The following DYRK1A variants were observed in gnomAD, a reference collection of about 807,000 sequenced individuals.
The protein encoded by DYRK1A is dual specificity tyrosine-phosphorylation-regulated kinase 1A.
DYRK1A carries 9 observed loss-of-function variants against 79.7 expected under a neutral mutation model. That is an observed-to-expected ratio of 0.11 (90% CI 0.07 to 0.20). The LOEUF (loss-of-function observed/expected upper bound fraction) is 0.20. Among genes scored for constraint, DYRK1A ranks in the 10% least tolerant of loss-of-function variants. The probability of loss-of-function intolerance (pLI) is 1.00; values close to 1 mark genes in which losing one functional copy is unlikely to be tolerated. For missense variants in DYRK1A, 622 were observed against 956.0 expected (o/e 0.65, Z 4.61); for synonymous variants, 349 against 329.7 (o/e 1.06, Z -0.63).
chr21:37,519,737 T>TG lies in DYRK1A; in HGVS notation c.*7206_*7207insG, dbSNP rs2053917448. The TG allele has an allele frequency of 5.4e-5, 1 of 18,688 alleles. No individual in the cohort carries two copies. Among genetic ancestry groups the TG allele is most frequent in the African/African-American group, 2.5e-4 (1 of 3,980 alleles). 1.2% of individuals were successfully genotyped at this position (18,688 alleles called of 1,614,324 possible). A position where few individuals can be genotyped will look rare whatever the true frequency, so the allele number is the denominator to read the frequency against. ...GAGTTTTGAGGTTTGTTGTGGGAAG[T>TG]TTTTTTTTTTTTTTTTTTTTTTGAG... is the stretch of plus-strand genomic sequence containing the variant. On this transcript the variant is annotated 3_prime_UTR_variant, in exon 12 of 12. Coordinates refer to ENST00000647188, the MANE Select transcript of DYRK1A (RefSeq NM_001347721.2).
intron 1 of DYRK1A, among the ~76,000 whole-genome samples, chr21:37,383,857 G>A (rs1178310075): frequency 6.6e-6 from 1 of 152,078 alleles, no homozygotes; most frequent in Non-Finnish European, 1.5e-5. Context: ...GTGTGTGTGT[G>A]TGTAGTTGTA....
intron 2 of DYRK1A, among the ~76,000 whole-genome samples, chr21:37,461,146 A>G (rs2148526499): frequency 6.6e-6 from 1 of 152,372 alleles, no homozygotes; most frequent in Middle Eastern, 3.4e-3. Context: ...TGCTTGTTAA[A>G]TACAGAATGA....
At chr21:37,507,637 C>T (rs751799424) in intron 11 of DYRK1A, among the ~76,000 whole-genome samples, 1 of 152,072 alleles carries the variant, frequency 6.6e-6, no homozygotes, top group Non-Finnish European at 1.5e-5. Context: ...CTGCTGGTTT[C>T]CTTGGCAGGA....
At chr21:37,496,487 A>G (rs996366003) in intron 9 of DYRK1A, among the ~76,000 whole-genome samples, 3 of 152,172 alleles carry the variant, frequency 2.0e-5, no homozygotes, top group African/African-American at 4.8e-5. Context: ...TTCATATTAA[A>G]AACTGTATGC....
intron 11 of DYRK1A, among the ~76,000 whole-genome samples, chr21:37,511,586 C>T (rs1284570224): frequency 6.6e-6 from 1 of 152,150 alleles, no homozygotes; most frequent in Non-Finnish European, 1.5e-5. Flanking sequence ...TGGACCTGCC[C>T]AGAATACTGT....
chr21:37,368,674 A>G (rs756409831), intron 1 of DYRK1A, among the ~76,000 whole-genome samples: 10 of 152,266 alleles, frequency 6.6e-5, no homozygotes, highest in Non-Finnish European at 8.8e-5. Flanking sequence ...AACTGTTCCC[A>G]TTTTATAGAT....
At chr21:37,387,206 T>C (rs551438012) in intron 1 of DYRK1A, among the ~76,000 whole-genome samples, 1 of 152,322 alleles carries the variant, frequency 6.6e-6, no homozygotes, top group South Asian at 2.1e-4. Flanking sequence ...ATTTAATACA[T>C]TATTTGTTGA....
rs2053882897 is a variant in DYRK1A at position 37,516,578 on chromosome 21, G to A, written c.*4047G>A. On this transcript the variant is annotated 3_prime_UTR_variant, in exon 12 of 12. Coordinates refer to ENST00000647188, the MANE Select transcript of DYRK1A (RefSeq NM_001347721.2). ...ATCCACTGAGAACCAGCCTGTGGAT[G>A]CCTACTGGGCTTTCACCCTGGACCA... 1 of 152,214 alleles carries A rather than the reference G, an allele frequency of 6.6e-6. No homozygotes were observed. Among genetic ancestry groups the A allele is most frequent in the Non-Finnish European group, 1.5e-5 (1 of 68,042 alleles). The allele number at this position is 152,214 out of a possible 1,614,324, so 9.4% of individuals were successfully genotyped here.
intron 2 of DYRK1A, among the ~76,000 whole-genome samples, chr21:37,432,817 A>T (rs775569090): frequency 6.6e-6 from 1 of 151,950 alleles, no homozygotes; most frequent in East Asian, 1.9e-4. Context: ...TAATCAGTAT[A>T]TTGTATGTTT....
chr21:37,483,835 A>G (rs1202889592), intron 5 of DYRK1A, among the ~76,000 whole-genome samples: 2 of 152,026 alleles, frequency 1.3e-5, no homozygotes, highest in African/African-American at 2.4e-5. Flanking sequence ...CTCGCATCTC[A>G]GCTTCCCACA....
At chr21:37,399,394 G>A (rs1206936263) in intron 1 of DYRK1A, among the ~76,000 whole-genome samples, 1 of 152,154 alleles carries the variant, frequency 6.6e-6, no homozygotes, top group African/African-American at 2.4e-5. Flanking sequence ...TCATTGTCAA[G>A]GTGGAGGATG....
chr21:37,438,710 T>C (rs996475729), intron 2 of DYRK1A, among the ~76,000 whole-genome samples: 3 of 152,226 alleles, frequency 2.0e-5, no homozygotes, highest in Non-Finnish European at 4.4e-5. Context: ...TACCATATTG[T>C]GTTGACCTTC....
At chr21:37,431,975 A>G (rs1373373906) in intron 2 of DYRK1A, among the ~76,000 whole-genome samples, 1 of 152,178 alleles carries the variant, frequency 6.6e-6, no homozygotes, top group Non-Finnish European at 1.5e-5. Context: ...TGTTGTCTGG[A>G]TAAGTACAGT....
intron 1 of DYRK1A, among the ~76,000 whole-genome samples, chr21:37,416,954 C>T (rs1346884191): frequency 6.6e-6 from 1 of 152,038 alleles, no homozygotes; most frequent in Non-Finnish European, 1.5e-5. Context: ...TTTTGAAGCT[C>T]CTTGTATCAT....
At chr21:37,380,980 CAT>C (rs979906307) in intron 1 of DYRK1A, among the ~76,000 whole-genome samples, 6 of 152,214 alleles carry the variant, frequency 3.9e-5, no homozygotes, top group African/African-American at 7.2e-5. Context: ...TTAAAAATCT[CAT>C]GTGTCCTTGT....
intron 11 of DYRK1A, 67 bp from the exon 12 acceptor site, chr21:37,511,843 CT>C: frequency 1.3e-6 from 2 of 1,537,352 alleles, no homozygotes; most frequent in Admixed American, 1.9e-5. Flanking sequence ...AGTGTCATGG[CT>C]TTTGATGGAA....
intron 2 of DYRK1A, among the ~76,000 whole-genome samples, chr21:37,436,459 G>A (rs2050927382): frequency 6.6e-6 from 1 of 152,072 alleles, no homozygotes; most frequent in Admixed American, 6.5e-5. Context: ...CTGGCTTTTT[G>A]TCACTTGGTT....
chr21:37,479,619 G>GTTTTTGTTTTTTTTTT (rs2052550822), intron 4 of DYRK1A, among the ~76,000 whole-genome samples: 12 of 73,920 alleles, frequency 1.6e-4, no homozygotes, highest in East Asian at 6.3e-4. Context: ...TTTGTTTTTT[G>GTTTTTGTTTTTTTTTT]TTTTTTTTTT....
intron 1 of DYRK1A, among the ~76,000 whole-genome samples, chr21:37,414,036 T>A (rs2050290563): frequency 6.6e-6 from 1 of 152,110 alleles, no homozygotes; most frequent in Admixed American, 6.6e-5. Flanking sequence ...GGTAAAATGA[T>A]GATGCAAATA....
Sources: gnomAD v4.1 joint callset for allele counts (sites outside exome capture counted in the v4.1 genomes callset) on GRCh38, gnomAD v4.1.1 for gene constraint, MANE v1.5 for transcripts, NCBI Gene and HGNC (gene_info 2026-07-23, HGNC 2026-07-21) for gene names.